Variants in TMEM114 observed in about 807,000 individuals in gnomAD.
TMEM114 encodes transmembrane protein 114, also known as claudin-26.
Under a neutral mutation model 6.2 loss-of-function variants are expected in TMEM114, and 6 were observed. The observed-to-expected ratio is 0.97, with a 90% CI of 0.53 to 1.91. The LOEUF (loss-of-function observed/expected upper bound fraction) is 1.91. Among genes scored for constraint, TMEM114 ranks in the 40% most tolerant of loss-of-function variants. The pLI is 0.01. For synonymous variants in TMEM114, 104 were observed against 73.0 expected, an observed-to-expected ratio of 1.42 and a Z score of -2.16; for missense variants, 218 against 158.3, an observed-to-expected ratio of 1.38 and a Z score of -2.02.
chr16:8,541,220 G>T (rs1291354613), intron 2 of TMEM114, among the ~76,000 whole-genome samples: 1 of 152,102 alleles, frequency 6.6e-6, no homozygotes, highest in Non-Finnish European at 1.5e-5. Flanking sequence ...TACTAATGGG[G>T]AAACAGGCTT....
downstream of TMEM114, among the ~76,000 whole-genome samples, chr16:8,569,116 AG>A (rs1437830505): frequency 3.3e-5 from 5 of 152,212 alleles, no homozygotes; most frequent in Non-Finnish European, 7.3e-5. Context: ...GCACTGCCCC[AG>A]GGGACCCGGA....
intron 2 of TMEM114, among the ~76,000 whole-genome samples, chr16:8,547,480 C>T (rs940980130): frequency 1.3e-5 from 2 of 151,616 alleles, no homozygotes; most frequent in African/African-American, 4.9e-5. Flanking sequence ...ACAACCTCTG[C>T]CTCCTGGGTT....
intron 2 of TMEM114, among the ~76,000 whole-genome samples, chr16:8,582,924 G>A (rs551856986): frequency 1.3e-5 from 2 of 151,812 alleles, no homozygotes; most frequent in Admixed American, 6.6e-5. Context: ...GGAAGAGCAG[G>A]GAAGGGCAGG....
At chr16:8,583,874 C>A (rs1025383450) in intron 2 of TMEM114, among the ~76,000 whole-genome samples, 3 of 152,176 alleles carry the variant, frequency 2.0e-5, no homozygotes, top group African/African-American at 7.2e-5. Flanking sequence ...GATCATGTGA[C>A]CAATCCTCCC....
intron 2 of TMEM114, among the ~76,000 whole-genome samples, chr16:8,573,232 G>A (rs542209871): frequency 3.6e-4 from 55 of 152,170 alleles, no homozygotes; most frequent in Non-Finnish European, 6.8e-4. Context: ...ACCACGTGAT[G>A]TGTGTGATAA....
chr16:8,561,633 C>G (rs1305575477), intron 2 of TMEM114, among the ~76,000 whole-genome samples: 3 of 151,932 alleles, frequency 2.0e-5, no homozygotes, highest in Non-Finnish European at 2.9e-5. Flanking sequence ...GAATGAATAA[C>G]TATATGAACA....
downstream of TMEM114, among the ~76,000 whole-genome samples, chr16:8,536,795 A>T (rs573686139): frequency 2.6e-5 from 4 of 152,190 alleles, no homozygotes; most frequent in South Asian, 6.2e-4. Flanking sequence ...TTCATGGTCT[A>T]ATTATCCACC....
intron 2 of TMEM114, among the ~76,000 whole-genome samples, chr16:8,542,241 G>A (rs897295697): frequency 6.6e-6 from 1 of 152,112 alleles, no homozygotes; most frequent in African/African-American, 2.4e-5. Context: ...CACCTGTAGG[G>A]CTCATTCCCA....
In TMEM114 at chr16:8,546,534, A is replaced by C. The variant is rs565565038; in HGVS notation, n.213-8708T>G. ...TTCTCTGTAAGTCAGACTTGTAGAA[A>C]GTCCGGCCACTATCTCTAGCAATTG... On this transcript the variant is annotated intron_variant and non_coding_transcript_variant, in intron 2 of 2. Transcript: ENST00000623677. Among the ~76,000 whole-genome samples, 21 of 152,330 alleles carry C rather than the reference A, an allele frequency of 1.4e-4. No individual in the cohort carries two copies. The East Asian group carries it at 2.5e-3, about 18-fold the overall frequency.
chr16:8,581,226 A>G (rs1360711020), intron 2 of TMEM114, among the ~76,000 whole-genome samples: 2 of 152,176 alleles, frequency 1.3e-5, no homozygotes, highest in Non-Finnish European at 2.9e-5. Context: ...TTCATTCCAC[A>G]GTACATCTTA....
chr16:8,532,846 C>T (rs1335067513), downstream of TMEM114, among the ~76,000 whole-genome samples: 7 of 152,072 alleles, frequency 4.6e-5, no homozygotes, highest in South Asian at 2.1e-4. Flanking sequence ...ATGGCATGAA[C>T]CCAGGAGGCG....
At chr16:8,573,167 G>A (rs1351342318) in intron 2 of TMEM114, among the ~76,000 whole-genome samples, 1 of 152,174 alleles carries the variant, frequency 6.6e-6, no homozygotes, top group Non-Finnish European at 1.5e-5. Flanking sequence ...TGTGGATGAA[G>A]GGCTTTGGGC....
At chr16:8,548,473 A>T (rs984772894) in intron 2 of TMEM114, among the ~76,000 whole-genome samples, 1 of 152,040 alleles carries the variant, frequency 6.6e-6, no homozygotes, top group African/African-American at 2.4e-5. Flanking sequence ...AGTCTTTTAA[A>T]CTTTTTTTCC....
chr16:8,526,698 T>C, the TMEM114 span: 1 of 152,078 alleles, frequency 6.6e-6, no homozygotes, highest in Non-Finnish European at 1.5e-5. Flanking sequence ...AGGGAGACAA[T>C]TAAACATCTT....
chr16:8,542,547 C>T (rs9935924), intron 2 of TMEM114, among the ~76,000 whole-genome samples: 60,059 of 151,886 alleles, frequency 0.4, 12,093 homozygotes, highest in Middle Eastern at 0.51. Context: ...TATGTAAGAA[C>T]GATTTGGCAG....
chr16:8,528,210 G>A, the TMEM114 span, among the ~76,000 whole-genome samples: 1 of 151,214 alleles, frequency 6.6e-6, no homozygotes, highest in African/African-American at 2.4e-5. Context: ...CTAGTTTCCT[G>A]ATAGTTTCTG....
intron 2 of TMEM114, among the ~76,000 whole-genome samples, chr16:8,545,020 G>T (rs1900619214): frequency 6.6e-6 from 1 of 152,034 alleles, no homozygotes; most frequent in Admixed American, 6.6e-5. Context: ...CATGTTTCCA[G>T]TGTGGTTATA....
intron 2 of TMEM114, among the ~76,000 whole-genome samples, chr16:8,547,153 G>A (rs543889398): frequency 2.6e-5 from 4 of 152,266 alleles, no homozygotes; most frequent in Admixed American, 6.5e-5. Flanking sequence ...TGGGGGAAAA[G>A]GGGGGTCGTC....
intron 2 of TMEM114, among the ~76,000 whole-genome samples, chr16:8,554,369 T>A (rs1900941281): frequency 1.3e-5 from 2 of 152,028 alleles, no homozygotes. Context: ...TGCAGTGATC[T>A]ATGATTGCAC....
Sources: gnomAD v4.1 joint callset for allele counts (sites outside exome capture counted in the v4.1 genomes callset) on GRCh38, gnomAD v4.1.1 for gene constraint, MANE v1.5 for transcripts, NCBI Gene and HGNC (gene_info 2026-07-23, HGNC 2026-07-21) for gene names.